Variants in ULK4 observed in about 807,000 individuals in gnomAD.
ULK4 encodes the protein inactive serine/threonine-protein kinase ULK4.
A neutral mutation model predicts 160.6 loss-of-function variants in ULK4; 133 were observed. The ratio of observed to expected loss-of-function variants is 0.83; its 90% CI spans 0.72 to 0.96. The LOEUF (loss-of-function observed/expected upper bound fraction) is 0.96. Ranked by LOEUF, ULK4 falls within the 40% of genes least tolerant of loss-of-function variation. The probability of loss-of-function intolerance (pLI) is 0.00; values close to 1 mark genes in which losing one functional copy is unlikely to be tolerated. For missense variants in ULK4, 1,580 were observed against 1,499.5 expected, an observed-to-expected ratio of 1.05 and a Z score of -0.89; for synonymous variants, 534 against 539.8, an observed-to-expected ratio of 0.99 and a Z score of 0.15.
intron 19 of ULK4, among the ~76,000 whole-genome samples, chr3:41,809,852 A>G (rs1420759673): frequency 1.3e-5 from 2 of 152,114 alleles, no homozygotes; most frequent in African/African-American, 4.8e-5. Flanking sequence ...ATCTATTGGG[A>G]TGTTGACTGA....
intron 32 of ULK4, among the ~76,000 whole-genome samples, chr3:41,474,821 T>TA (rs34840621): frequency 0.011 from 1,560 of 140,808 alleles, 24 homozygotes; most frequent in African/African-American, 0.019. Flanking sequence ...TGATTATTAT[T>TA]AAAAAAAAAA....
chr3:41,946,006 A>G (rs1039259843), intron 2 of ULK4, among the ~76,000 whole-genome samples: 1 of 140,366 alleles, frequency 7.1e-6, no homozygotes, highest in African/African-American at 2.5e-5. Flanking sequence ...CAAGATCATG[A>G]TTACCCTTGA....
intron 30 of ULK4, among the ~76,000 whole-genome samples, chr3:41,638,794 T>A (rs2034063074): frequency 6.6e-6 from 1 of 152,218 alleles, no homozygotes; most frequent in Non-Finnish European, 1.5e-5. Flanking sequence ...GAATTAAGAG[T>A]CCATGTTTTA....
chr3:41,806,084 G>A (rs1181961285), intron 19 of ULK4, among the ~76,000 whole-genome samples: 1 of 145,476 alleles, frequency 6.9e-6, no homozygotes. Context: ...TGTACCTCTG[G>A]TAGAATTCGG....
intron 17 of ULK4, among the ~76,000 whole-genome samples, chr3:41,851,808 T>C (rs2042222045): frequency 1.3e-5 from 2 of 151,780 alleles, no homozygotes; most frequent in African/African-American, 4.8e-5. Context: ...AGATCTAAAA[T>C]TGACACCCTA....
At chr3:41,466,311 TAGTA>T (rs1422964521) in intron 32 of ULK4, among the ~76,000 whole-genome samples, 5 of 152,302 alleles carry the variant, frequency 3.3e-5, no homozygotes, top group African/African-American at 4.8e-5. Flanking sequence ...TAAACGGAGA[TAGTA>T]AGTATCTGTC....
chr3:41,798,486 C>A (rs750054789), intron 20 of ULK4, among the ~76,000 whole-genome samples: 13 of 152,050 alleles, frequency 8.5e-5, no homozygotes, highest in South Asian at 2.1e-4. Context: ...TAATGATAAT[C>A]AGGGGCAGGA....
At chr3:41,771,664 T>C (rs576656197) in intron 21 of ULK4, among the ~76,000 whole-genome samples, 100 of 151,766 alleles carry the variant, frequency 6.6e-4, no homozygotes, top group African/African-American at 2.3e-3. Context: ...CCTAATACCA[T>C]CACTACCACC....
chr3:41,703,224 C>G (rs1406246069), intron 27 of ULK4, among the ~76,000 whole-genome samples: 1 of 92,968 alleles, frequency 1.1e-5, no homozygotes, highest in African/African-American at 4.1e-5. Context: ...CACGGAACAG[C>G]TGCAAAATAT....
intron 35 of ULK4, among the ~76,000 whole-genome samples, chr3:41,312,228 G>C (rs2080065180): frequency 1.3e-5 from 2 of 152,042 alleles, no homozygotes; most frequent in Non-Finnish European, 2.9e-5. Context: ...TCCTGCCTCA[G>C]TTTCTTGAGT....
At chr3:41,266,081 C>T (rs1034250402) in intron 35 of ULK4, among the ~76,000 whole-genome samples, 1 of 152,220 alleles carries the variant, frequency 6.6e-6, no homozygotes, top group Non-Finnish European at 1.5e-5. Context: ...AGCAAGGTCT[C>T]CCAGGCCTCC....
chr3:41,429,829 G>A (rs2082863231), intron 34 of ULK4, among the ~76,000 whole-genome samples: 1 of 151,974 alleles, frequency 6.6e-6, no homozygotes, highest in East Asian at 1.9e-4. Context: ...GGGTTGATAG[G>A]TACAGCAAAC....
intron 35 of ULK4, among the ~76,000 whole-genome samples, chr3:41,250,468 T>C (rs992985033): frequency 1.3e-5 from 2 of 152,234 alleles, no homozygotes; most frequent in Non-Finnish European, 2.9e-5. Flanking sequence ...TCATGTTTTA[T>C]TTATGAGGTA....
chr3:41,957,125 AAT>A (rs1462989681), intron 1 of ULK4, among the ~76,000 whole-genome samples: 2 of 152,210 alleles, frequency 1.3e-5, no homozygotes, highest in Non-Finnish European at 2.9e-5. Context: ...AGTCATAAAC[AAT>A]ATATGACAAT....
chr3:41,589,357 C>G (rs1393213076), intron 31 of ULK4, among the ~76,000 whole-genome samples: 2 of 139,828 alleles, frequency 1.4e-5, no homozygotes, highest in African/African-American at 5.4e-5. Context: ...CATGGGAAAT[C>G]TGTACAAAGG....
chr3:41,875,029 G>C (rs1034420701), intron 17 of ULK4, among the ~76,000 whole-genome samples: 7 of 151,964 alleles, frequency 4.6e-5, no homozygotes, highest in African/African-American at 1.7e-4. Flanking sequence ...AAAATTAAAA[G>C]ATTAGTCAGG....
chr3:41,672,802 A>C (rs1000855998), intron 29 of ULK4, among the ~76,000 whole-genome samples: 2 of 152,154 alleles, frequency 1.3e-5, no homozygotes, highest in Non-Finnish European at 2.9e-5. Flanking sequence ...ACAAAATTTC[A>C]CATGTGCCCA....
At chr3:41,537,640 G>A (rs186816357) in intron 32 of ULK4, among the ~76,000 whole-genome samples, 11 of 152,290 alleles carry the variant, frequency 7.2e-5, no homozygotes, top group Admixed American at 5.9e-4. Context: ...TTAAAAGGCA[G>A]TCCCTTAAAT....
At chr3:41,766,674 A>C (rs1171215758) in intron 21 of ULK4, 1 of 152,194 alleles carries the variant, frequency 6.6e-6, no homozygotes, top group Non-Finnish European at 1.5e-5. Context: ...AATTTTCTTA[A>C]TCTTAGTGGT....
Sources: gnomAD v4.1 joint callset for allele counts (sites outside exome capture counted in the v4.1 genomes callset) on GRCh38, gnomAD v4.1.1 for gene constraint, MANE v1.5 for transcripts, NCBI Gene and HGNC (gene_info 2026-07-23, HGNC 2026-07-21) for gene names.